Variants in GPC4 observed in about 807,000 individuals in gnomAD.
The protein encoded by GPC4 is glypican-4.
GPC4 carries 10 observed loss-of-function variants against 35.0 expected under a neutral mutation model. That is an observed-to-expected ratio of 0.29 (90% CI 0.18 to 0.48). The LOEUF (loss-of-function observed/expected upper bound fraction) is 0.48. Among genes scored for constraint, GPC4 ranks in the 20% least tolerant of loss-of-function variants. The probability of loss-of-function intolerance (pLI) is 0.99; values close to 1 mark genes in which losing one functional copy is unlikely to be tolerated. For synonymous variants in GPC4, 167 were observed against 170.2 expected (o/e 0.98, Z 0.15); for missense variants, 322 against 451.3 (o/e 0.71, Z 2.60).
intron 1 of GPC4, among the ~76,000 whole-genome samples, chrX:133,393,634 T>A (rs2068729915): frequency 9.1e-6 from 1 of 109,906 alleles, no homozygotes; most frequent in Non-Finnish European, 1.9e-5. Context: ...GGCATAAGGG[T>A]AAAGTTTCCT....
intron 1 of GPC4, among the ~76,000 whole-genome samples, chrX:133,393,315 A>C (rs192165148): frequency 1.2e-3 from 139 of 111,642 alleles, no homozygotes; most frequent in Middle Eastern, 4.6e-3. Context: ...AAGAACCACA[A>C]GAAAAGGCAC....
chrX:133,330,472 A>T (rs2266800), intron 2 of GPC4, among the ~76,000 whole-genome samples: 41,160 of 110,737 alleles, frequency 0.37, 6,448 homozygotes, highest in African/African-American at 0.6. Flanking sequence ...TTGATTTATC[A>T]CTATCTCCTC....
In GPC4 at chrX:133,404,407, C is replaced by T. The variant is rs184882453; in HGVS notation, c.160+10399G>A. ...CTAAAAAATACAAAAATTAGCTAGG[C>T]GTGGTGGGGCACACCTGTAATCTCA... is the stretch of plus-strand genomic sequence containing the variant. On this transcript the variant is annotated intron_variant, in intron 1 of 8. Transcript: ENST00000370828. 3.0e-3 allele frequency among the ~76,000 whole-genome samples: 322 copies of T among 108,413 alleles called. 4 individuals carry two copies. Among genetic ancestry groups the T allele is most frequent in the African/African-American group, 0.01 (301 of 29,499 alleles). 94.1% of individuals were successfully genotyped at this position (108,413 alleles called of 115,157 possible).
intron 3 of GPC4, among the ~76,000 whole-genome samples, chrX:133,317,258 G>C (rs993062652): frequency 9.0e-6 from 1 of 110,640 alleles, no homozygotes; most frequent in Non-Finnish European, 1.9e-5. Context: ...AAGTCAGTGT[G>C]TATGTGGGGG....
At chrX:133,391,597 A>G (rs1603093738) in intron 1 of GPC4, among the ~76,000 whole-genome samples, 1 of 112,357 alleles carries the variant, frequency 8.9e-6, no homozygotes, top group Non-Finnish European at 1.9e-5. Context: ...GCAGTCAACA[A>G]TACCCAAAAA....
In GPC4 at chrX:133,302,616, A is replaced by G. The variant is rs1220716041; in HGVS notation, c.*251T>C. The G allele has an allele frequency of 2.9e-6, 1 of 347,603 alleles. No individual in the cohort carries two copies. Among genetic ancestry groups the G allele is most frequent in the Non-Finnish European group, 5.0e-6 (1 of 201,630 alleles). The allele number at this position is 347,603 out of a possible 1,213,427, so 28.6% of individuals were successfully genotyped here. ...AAATCACAAATGCACAACTAACTAT[A>G]GTTCTGTACCTACACTGTTAGCCAC... is the stretch of plus-strand genomic sequence containing the variant. On this transcript the variant is annotated 3_prime_UTR_variant, in exon 9 of 9. Transcript: ENST00000370828.
chrX:133,402,308 G>C (rs1426986567), intron 1 of GPC4, among the ~76,000 whole-genome samples: 1 of 112,099 alleles, frequency 8.9e-6, no homozygotes, highest in Non-Finnish European at 1.9e-5. Flanking sequence ...GTGGCTTAAT[G>C]CTTGCTGGGA....
At chrX:133,349,885 C>T (rs2068509531) in intron 1 of GPC4, among the ~76,000 whole-genome samples, 1 of 111,848 alleles carries the variant, frequency 8.9e-6, no homozygotes, top group Non-Finnish European at 1.9e-5. Flanking sequence ...TCCCAAAGTG[C>T]TGAGATTACA....
At chrX:133,315,211 T>A (rs1190011790) in intron 3 of GPC4, among the ~76,000 whole-genome samples, 1 of 110,017 alleles carries the variant, frequency 9.1e-6, no homozygotes, top group Admixed American at 9.7e-5. Context: ...GAGCATTTCT[T>A]TAAGCATCAG....
At chrX:133,337,333 CAAAACACTACACATTGG>C (rs1255083963) in intron 2 of GPC4, among the ~76,000 whole-genome samples, 1 of 111,953 alleles carries the variant, frequency 8.9e-6, no homozygotes, top group African/African-American at 3.3e-5. Context: ...ACAACAACAA[CAAAACACTACACATTGG>C]AATCATAGTA....
At chrX:133,342,616 C>T (rs778429144) in intron 1 of GPC4, among the ~76,000 whole-genome samples, 1 of 111,654 alleles carries the variant, frequency 9.0e-6, no homozygotes, top group South Asian at 3.8e-4. Context: ...CCCTGTGACA[C>T]ACGTAGTCCA....
rs770421653 is a variant in GPC4 at position 133,414,776 on chromosome X, T to TG, written c.160+29dup. 103 of 1,201,864 alleles carry TG rather than the reference T, an allele frequency of 8.6e-5. No individual in the cohort carries two copies. The South Asian group carries it at 1.8e-3, about 20-fold the overall frequency. ...CCTCCCTTCCCGAAGTGTCGGTCTC[T>TG]GCGCCCACCTCCCGGGTGTGCCCAC... On this transcript the variant is annotated intron_variant, in intron 1 of 8. Coordinates refer to ENST00000370828, the MANE Select transcript of GPC4 (RefSeq NM_001448.3).
Position 133,388,952 on chromosome X carries a change from C to CTTTTTTTT in GPC4, c.160+25846_160+25853dup. 3.7e-5 allele frequency among the ~76,000 whole-genome samples: 2 copies of CTTTTTTTT among 53,467 alleles called. 1 individual carries two copies. Among genetic ancestry groups the CTTTTTTTT allele is most frequent in the Non-Finnish European group, 6.8e-5 (2 of 29,482 alleles). The allele number at this position is 53,467 out of a possible 115,157, so 46.4% of individuals were successfully genotyped here. A position where few individuals can be genotyped will look rare whatever the true frequency, so the allele number is the denominator to read the frequency against. The stretch of plus-strand genomic sequence containing the variant: ...CAGCACCAGCACAGCTACCCATAGC[C>CTTTTTTTT]TTTTTTTTTTTTTTTTTTTTTTGAG... On this transcript the variant is annotated intron_variant, in intron 1 of 8. Transcript: ENST00000370828.
At chrX:133,403,746 G>T (rs1425817480) in intron 1 of GPC4, among the ~76,000 whole-genome samples, 1 of 108,403 alleles carries the variant, frequency 9.2e-6, no homozygotes, top group East Asian at 2.9e-4. Context: ...CCCAAGCTGG[G>T]GTGTAGTGGT....
intron 1 of GPC4, among the ~76,000 whole-genome samples, chrX:133,398,665 G>A (rs949238502): frequency 2.7e-5 from 3 of 109,872 alleles, no homozygotes; most frequent in African/African-American, 1.0e-4. Flanking sequence ...TTACTCGGGA[G>A]GCTGAGGCAG....
chrX:133,331,355 G>C (rs1469133984), intron 2 of GPC4, among the ~76,000 whole-genome samples: 1 of 111,775 alleles, frequency 8.9e-6, no homozygotes, highest in Non-Finnish European at 1.9e-5. Flanking sequence ...GTAAGCTAGG[G>C]AGCTGGAGGA....
At chrX:133,308,220 T>A (rs1395677616) in intron 4 of GPC4, among the ~76,000 whole-genome samples, 1 of 111,901 alleles carries the variant, frequency 8.9e-6, no homozygotes, top group East Asian at 2.8e-4. Context: ...TTCTTCTGGC[T>A]GATACGAGCC....
At chrX:133,369,631 A>G (rs1156563167) in intron 1 of GPC4, among the ~76,000 whole-genome samples, 3 of 112,425 alleles carry the variant, frequency 2.7e-5, no homozygotes, top group African/African-American at 9.7e-5. Flanking sequence ...TTGCAGGATA[A>G]TTATTTCTGC....
intron 1 of GPC4, among the ~76,000 whole-genome samples, chrX:133,413,825 T>C (rs1020256142): frequency 2.1e-4 from 23 of 111,641 alleles, no homozygotes; most frequent in Non-Finnish European, 3.8e-4. Context: ...CGCCGCCAGC[T>C]TCGCTGGGAG....
Sources: gnomAD v4.1 joint callset for allele counts (sites outside exome capture counted in the v4.1 genomes callset) on GRCh38, gnomAD v4.1.1 for gene constraint, MANE v1.5 for transcripts, NCBI Gene and HGNC (gene_info 2026-07-23, HGNC 2026-07-21) for gene names.